Variants in CTDSPL observed in about 807,000 individuals in gnomAD.
CTDSPL encodes CTD small phosphatase-like protein.
CTDSPL carries 8 observed loss-of-function variants against 30.5 expected under a neutral mutation model. The observed-to-expected ratio is 0.26, with a 90% CI of 0.15 to 0.47. The LOEUF is 0.47. Ranked by LOEUF, CTDSPL falls within the 20% of genes least tolerant of loss-of-function variation. CTDSPL has a pLI of 0.99. For synonymous variants in CTDSPL, 110 were observed against 137.9 expected, an observed-to-expected ratio of 0.80 and a Z score of 1.42; for missense variants, 248 against 366.1, an observed-to-expected ratio of 0.68 and a Z score of 2.63.
At chr3:37,900,465 A>G (rs572977818) in intron 1 of CTDSPL, among the ~76,000 whole-genome samples, 1 of 152,376 alleles carries the variant, frequency 6.6e-6, no homozygotes, top group South Asian at 2.1e-4. Flanking sequence ...CTATTGATAC[A>G]AAGATTTGAA....
In CTDSPL at chr3:37,980,807, T is replaced by A; in HGVS notation, c.771T>A (p.Phe257Leu). The change falls in exon 8 of 8, where the codon TTT becomes TTA. Residue 257 changes from phenylalanine (F) to leucine (L), a missense_variant. Phe to Leu is a conservative substitution (Grantham distance 22). Around this residue, in one of 4 missense-constraint regions of CTDSPL, gnomAD observed 84 missense variants for 139.4 expected, o/e 0.60. Coordinates refer to ENST00000273179, the MANE Select transcript of CTDSPL (RefSeq NM_001008392.2). Reference protein sequence around the residue: ...DTELLDLIPFFEGLSREDDVY... With the variant: ...DTELLDLIPFLEGLSREDDVY... ...AGCTGCTGGACCTCATCCCCTTCTT[T>A]GAGGGCCTGAGCCGGGAGGACGACG... 6.2e-7 allele frequency: 1 copy of A among 1,614,166 alleles called. No homozygotes were observed. Among genetic ancestry groups the A allele is most frequent in the Non-Finnish European group, 8.5e-7 (1 of 1,180,026 alleles).
chr3:37,871,235 C>T (rs1698068488), intron 1 of CTDSPL, among the ~76,000 whole-genome samples: 1 of 152,132 alleles, frequency 6.6e-6, no homozygotes, highest in Admixed American at 6.6e-5. Flanking sequence ...GATTTGCTTC[C>T]TTCACTTAGT....
intron 2 of CTDSPL, among the ~76,000 whole-genome samples, chr3:37,951,460 C>T (rs995099516): frequency 1.3e-5 from 2 of 152,008 alleles, no homozygotes; most frequent in African/African-American, 2.4e-5. Context: ...AGGATCACTT[C>T]AGCCCAGAAG....
At chr3:37,867,350 C>T (rs1698022443) in intron 1 of CTDSPL, among the ~76,000 whole-genome samples, 1 of 151,994 alleles carries the variant, frequency 6.6e-6, no homozygotes, top group Admixed American at 6.6e-5. Flanking sequence ...TTTGTTTAAC[C>T]ATTCACGCTT....
chr3:37,956,778 A>G (rs933416586), intron 2 of CTDSPL, among the ~76,000 whole-genome samples: 1 of 152,216 alleles, frequency 6.6e-6, no homozygotes, highest in African/African-American at 2.4e-5. Flanking sequence ...TTTTAGAGGG[A>G]ACCAAGGATT....
chr3:37,886,070 C>G (rs894274304), intron 1 of CTDSPL, among the ~76,000 whole-genome samples: 1 of 152,200 alleles, frequency 6.6e-6, no homozygotes, highest in Admixed American at 6.5e-5. Context: ...TTAGAATGAG[C>G]TTGTGCTCTG....
chr3:37,959,957 AC>A (rs1378483561), intron 3 of CTDSPL, among the ~76,000 whole-genome samples: 1 of 151,302 alleles, frequency 6.6e-6, no homozygotes, highest in Non-Finnish European at 1.5e-5. Context: ...TAACCCAAGC[AC>A]TTGGAGAGGC....
intron 3 of CTDSPL, among the ~76,000 whole-genome samples, chr3:37,960,796 A>G (rs1699237212): frequency 6.6e-6 from 1 of 151,952 alleles, no homozygotes; most frequent in African/African-American, 2.4e-5. Context: ...TTCTTTATCA[A>G]TGAGTTTGAA....
chr3:37,930,530 G>A (rs1698840847), intron 1 of CTDSPL, among the ~76,000 whole-genome samples: 4 of 151,926 alleles, frequency 2.6e-5, no homozygotes, highest in Admixed American at 2.6e-4. Flanking sequence ...GCTTGGTCTC[G>A]AACTCTGGGC....
intron 1 of CTDSPL, among the ~76,000 whole-genome samples, chr3:37,897,504 TGAAAA>T (rs919943258): frequency 3.9e-5 from 6 of 152,226 alleles, no homozygotes; most frequent in Non-Finnish European, 5.9e-5. Context: ...TTTCATTTCT[TGAAAA>T]GAAAATCTCT....
intron 1 of CTDSPL, among the ~76,000 whole-genome samples, chr3:37,927,706 A>ATATATATAT (rs61251867): frequency 1.4e-5 from 2 of 144,540 alleles, no homozygotes; most frequent in African/African-American, 5.4e-5. Context: ...ATATATATAT[A>ATATATATAT]AAAAATGAAA....
At chr3:37,904,385 GA>G (rs770965300) in intron 1 of CTDSPL, among the ~76,000 whole-genome samples, 1 of 152,174 alleles carries the variant, frequency 6.6e-6, no homozygotes, top group Non-Finnish European at 1.5e-5. Flanking sequence ...CCGCCCAGTG[GA>G]TGGAAGACCC....
At chr3:37,911,263 G>A (rs1028613199) in intron 1 of CTDSPL, among the ~76,000 whole-genome samples, 4 of 152,252 alleles carry the variant, frequency 2.6e-5, no homozygotes, top group Non-Finnish European at 5.9e-5. Context: ...GTGGTGGTTT[G>A]TCAAGGTGAC....
intron 6 of CTDSPL, among the ~76,000 whole-genome samples, chr3:37,972,022 G>A (rs1318863452): frequency 6.6e-6 from 1 of 152,156 alleles, no homozygotes; most frequent in Non-Finnish European, 1.5e-5. Flanking sequence ...ATAAATTGGG[G>A]ATAATTCCAG....
At chr3:37,863,272 A>C (rs184805334) in intron 1 of CTDSPL, among the ~76,000 whole-genome samples, 94 of 152,270 alleles carry the variant, frequency 6.2e-4, no homozygotes, top group Middle Eastern at 3.4e-3. Flanking sequence ...AGAGCTGGCC[A>C]AGGGCTCAGC....
At chr3:37,946,655 G>A (rs1489917290) in intron 1 of CTDSPL, among the ~76,000 whole-genome samples, 1 of 152,200 alleles carries the variant, frequency 6.6e-6, no homozygotes, top group South Asian at 2.1e-4. Context: ...TGCTTCCCAG[G>A]GAGTGTCAAG....
chr3:37,882,034 G>A (rs1449413133), intron 1 of CTDSPL, among the ~76,000 whole-genome samples: 3 of 152,160 alleles, frequency 2.0e-5, no homozygotes, highest in East Asian at 1.9e-4. Flanking sequence ...TAGGCCGGGC[G>A]TGGTGGCTCA....
chr3:37,882,532 G>C (rs892440595), intron 1 of CTDSPL, among the ~76,000 whole-genome samples: 1 of 151,746 alleles, frequency 6.6e-6, no homozygotes, highest in Non-Finnish European at 1.5e-5. Flanking sequence ...CAGGAGAATC[G>C]CTTGAACCCA....
Position 37,980,937 on chromosome 3 carries a change from A to T in CTDSPL, c.*70A>T, listed in dbSNP as rs535149835. On this transcript the variant is annotated 3_prime_UTR_variant, in exon 8 of 8. Coordinates refer to ENST00000273179, the MANE Select transcript of CTDSPL (RefSeq NM_001008392.2). ...GGCCTCAGGGGACCTGCCTGTCCTC[A>T]GCTCCCTGGGAGCTGAAAGTGAGGA... is the stretch of plus-strand genomic sequence containing the variant. The T allele has an allele frequency of 1.1e-4, 176 of 1,539,270 alleles. 2 individuals are homozygous for T. In the South Asian group the frequency reaches 2.0e-3, roughly 17 times the overall value.
Sources: allele counts gnomAD v4.1 joint callset (sites outside exome capture counted in the v4.1 genomes callset), GRCh38; gene constraint gnomAD v4.1.1; regional missense constraint gnomAD v4.1.1; transcripts MANE v1.5; gene names NCBI Gene and HGNC (gene_info 2026-07-23, HGNC 2026-07-21).